Variants in XKR6 observed in about 807,000 individuals in gnomAD.
XKR6 encodes the protein XK-related protein 6.
XKR6 carries 22 observed loss-of-function variants against 56.7 expected under a neutral mutation model. The observed-to-expected ratio is 0.39, with a 90% CI of 0.28 to 0.55. The LOEUF is 0.55. Ranked by LOEUF, XKR6 falls within the 20% of genes least tolerant of loss-of-function variation. The pLI is 0.66. For synonymous variants in XKR6, 524 were observed against 387.8 expected (o/e 1.35, Z -4.13); for missense variants, 852 against 889.0 (o/e 0.96, Z 0.53).
chr8:11,141,009 A>G (rs747383205), intron 1 of XKR6, among the ~76,000 whole-genome samples: 2 of 152,140 alleles, frequency 1.3e-5, no homozygotes, highest in African/African-American at 2.4e-5. Context: ...TAAACTGATT[A>G]CACAGTTACT....
At chr8:11,040,769 A>G (rs1799266281) in intron 1 of XKR6, among the ~76,000 whole-genome samples, 1 of 152,136 alleles carries the variant, frequency 6.6e-6, no homozygotes, top group Non-Finnish European at 1.5e-5. Context: ...TCCTAAGACC[A>G]GCACATGGGG....
At chr8:10,978,737 A>G (rs1383097598) in intron 1 of XKR6, among the ~76,000 whole-genome samples, 1 of 152,204 alleles carries the variant, frequency 6.6e-6, no homozygotes, top group Non-Finnish European at 1.5e-5. Flanking sequence ...TGCTTCAGCC[A>G]TAGACCCCAG....
intron 1 of XKR6, among the ~76,000 whole-genome samples, chr8:11,147,387 C>G (rs1801038160): frequency 1.3e-5 from 2 of 152,090 alleles, no homozygotes. Context: ...GGATGGCGGC[C>G]AGGCGCGGTG....
intron 1 of XKR6, among the ~76,000 whole-genome samples, chr8:11,122,778 G>A (rs1270774866): frequency 6.6e-6 from 1 of 152,180 alleles, no homozygotes; most frequent in African/African-American, 2.4e-5. Context: ...TTTGAGGGCA[G>A]ATTGACTCAT....
intron 1 of XKR6, among the ~76,000 whole-genome samples, chr8:11,187,284 A>G (rs1256015487): frequency 6.6e-6 from 1 of 152,228 alleles, no homozygotes. Flanking sequence ...ATTGTAGACA[A>G]GGGCCAACAA....
intron 1 of XKR6, among the ~76,000 whole-genome samples, chr8:11,199,560 A>G (rs995585544): frequency 5.9e-5 from 9 of 152,212 alleles, no homozygotes; most frequent in African/African-American, 2.2e-4. Context: ...TTTCTCTTGC[A>G]AATGCTCTCA....
chr8:11,018,423 G>A (rs1798675301), intron 1 of XKR6, among the ~76,000 whole-genome samples: 1 of 152,204 alleles, frequency 6.6e-6, no homozygotes, highest in Non-Finnish European at 1.5e-5. Context: ...AGGGAGCGAT[G>A]GCAAGAGAGG....
chr8:10,963,886 G>A (rs570195756), intron 1 of XKR6, among the ~76,000 whole-genome samples: 1 of 152,312 alleles, frequency 6.6e-6, no homozygotes, highest in Non-Finnish European at 1.5e-5. Flanking sequence ...AACACTGCAT[G>A]AACTGGGGTC....
At chr8:10,912,791 C>CAT (rs1214697573) in intron 2 of XKR6, among the ~76,000 whole-genome samples, 8 of 133,706 alleles carry the variant, frequency 6.0e-5, no homozygotes, top group South Asian at 2.4e-4. Context: ...TGTATGTGTG[C>CAT]ATATATATAG....
intron 1 of XKR6, among the ~76,000 whole-genome samples, chr8:10,933,160 T>C (rs887934592): frequency 7.1e-6 from 1 of 140,500 alleles, no homozygotes; most frequent in Non-Finnish European, 1.6e-5. Context: ...ATGATGAGCA[T>C]TTTTTCATGT....
chr8:10,939,841 G>C (rs1001009310), intron 1 of XKR6, among the ~76,000 whole-genome samples: 1 of 152,224 alleles, frequency 6.6e-6, no homozygotes, highest in African/African-American at 2.4e-5. Context: ...CTGCCTAGGA[G>C]GTTGTCAGGC....
At chr8:10,979,101 C>CA (rs1362344210) in intron 1 of XKR6, among the ~76,000 whole-genome samples, 3 of 151,914 alleles carry the variant, frequency 2.0e-5, no homozygotes, top group African/African-American at 7.3e-5. Context: ...CTCCTCCTTG[C>CA]AGTCTTCCCT....
At chr8:11,154,312 C>A (rs1801403126) in intron 1 of XKR6, among the ~76,000 whole-genome samples, 1 of 152,204 alleles carries the variant, frequency 6.6e-6, no homozygotes, top group Non-Finnish European at 1.5e-5. Flanking sequence ...ACTCTAGACA[C>A]CAAAAATCAG....
At chr8:10,921,799 A>C (rs963250354) in intron 2 of XKR6, among the ~76,000 whole-genome samples, 2 of 152,234 alleles carry the variant, frequency 1.3e-5, no homozygotes, top group African/African-American at 4.8e-5. Flanking sequence ...CTGGTGGTAC[A>C]GAGTGGGGAA....
chr8:11,124,071 T>TCC (rs935898287), intron 1 of XKR6: 81 of 451,606 alleles, frequency 1.8e-4, no homozygotes, highest in African/African-American at 1.4e-3. Context: ...TCTCTCTCTC[T>TCC]AGCACGATTT....
chr8:11,155,228 G>A (rs1563180097), intron 1 of XKR6, among the ~76,000 whole-genome samples: 1 of 152,154 alleles, frequency 6.6e-6, no homozygotes, highest in Non-Finnish European at 1.5e-5. Context: ...CTTGCTTCAG[G>A]CTTCCAAATT....
Position 10,897,884 on chromosome 8 carries a change from A to G in XKR6, c.*68T>C. ...GTGTATTGGGGGAAGGGAGGGTTAT[A>G]TTTCTTGCAAGTGCTGTTTGCCGCA... On this transcript the variant is annotated 3_prime_UTR_variant, in exon 3 of 3. Transcript: ENST00000416569. 1 of 1,507,954 alleles carries G rather than the reference A, an allele frequency of 6.6e-7. No homozygotes were observed. Among genetic ancestry groups the G allele is most frequent in the Non-Finnish European group, 8.8e-7 (1 of 1,131,066 alleles). 93.4% of individuals were successfully genotyped at this position (1,507,954 alleles called of 1,614,324 possible).
chr8:10,965,087 C>A (rs1193063441), intron 1 of XKR6, among the ~76,000 whole-genome samples: 1 of 152,242 alleles, frequency 6.6e-6, no homozygotes, highest in Non-Finnish European at 1.5e-5. Flanking sequence ...GGGCTCTCAG[C>A]TTAGGAAACC....
At chr8:11,083,467 C>A (rs955587496) in intron 1 of XKR6, among the ~76,000 whole-genome samples, 3 of 152,214 alleles carry the variant, frequency 2.0e-5, no homozygotes, top group Admixed American at 6.5e-5. Context: ...CAGGTGGCTG[C>A]ATCCTCATGT....
Sources: allele counts gnomAD v4.1 joint callset (sites outside exome capture counted in the v4.1 genomes callset), GRCh38; gene constraint gnomAD v4.1.1; transcripts MANE v1.5; gene names NCBI Gene and HGNC (gene_info 2026-07-23, HGNC 2026-07-21).